ARB2A: variants seen among roughly 807,000 people sequenced by gnomAD.
ARB2A encodes cotranscriptional regulator ARB2A.
chr5:94,031,618 A>G, the ARB2A span, among the ~76,000 whole-genome samples: 1 of 152,230 alleles, frequency 6.6e-6, no homozygotes, highest in South Asian at 2.1e-4. Flanking sequence ...AGAGGAAACC[A>G]AGGGTGTAGC....
chr5:94,110,306 C>T, the ARB2A span, among the ~76,000 whole-genome samples: 1 of 152,202 alleles, frequency 6.6e-6, no homozygotes, highest in Non-Finnish European at 1.5e-5. Context: ...GCTGTCTTCC[C>T]ATCACCTGAA....
the ARB2A span, among the ~76,000 whole-genome samples, chr5:94,108,482 G>T: frequency 6.6e-6 from 1 of 151,876 alleles, no homozygotes; most frequent in Non-Finnish European, 1.5e-5. Context: ...TGCAATAAAA[G>T]TCATGGTGGC....
At chr5:93,859,498 T>TA in the ARB2A span, among the ~76,000 whole-genome samples, 1 of 152,030 alleles carries the variant, frequency 6.6e-6, no homozygotes, top group African/African-American at 2.4e-5. Context: ...ATAAACCATA[T>TA]AAAAAAAGAT....
the ARB2A span, among the ~76,000 whole-genome samples, chr5:93,924,842 A>C: frequency 8.9e-4 from 136 of 152,120 alleles, no homozygotes; most frequent in African/African-American, 3.3e-3. Flanking sequence ...TTCTGAGAAG[A>C]CCTCTGCTTT....
At chr5:93,936,159 TAAG>T in the ARB2A span, among the ~76,000 whole-genome samples, 4 of 152,318 alleles carry the variant, frequency 2.6e-5, no homozygotes, top group Admixed American at 6.5e-5. Flanking sequence ...GTTCTCACAA[TAAG>T]AAGGCAAGAT....
chr5:94,034,739 G>T, the ARB2A span, among the ~76,000 whole-genome samples: 1 of 152,116 alleles, frequency 6.6e-6, no homozygotes, highest in African/African-American at 2.4e-5. Context: ...GCACAATGTT[G>T]TACGTAGGCC....
At chr5:94,002,260 C>G in the ARB2A span, among the ~76,000 whole-genome samples, 1 of 152,002 alleles carries the variant, frequency 6.6e-6, no homozygotes, top group Non-Finnish European at 1.5e-5. Flanking sequence ...AAAAATGGCT[C>G]CTTTTCTCCT....
At chr5:93,932,430 A>G in the ARB2A span, among the ~76,000 whole-genome samples, 1 of 152,220 alleles carries the variant, frequency 6.6e-6, no homozygotes. Flanking sequence ...AATTAACTAA[A>G]GCACCAATAA....
the ARB2A span, among the ~76,000 whole-genome samples, chr5:94,035,998 A>G: frequency 6.6e-6 from 1 of 151,954 alleles, no homozygotes; most frequent in African/African-American, 2.4e-5. Flanking sequence ...CCCAGAACTT[A>G]AAGTATTAAA....
the ARB2A span, among the ~76,000 whole-genome samples, chr5:93,858,452 C>T: frequency 6.6e-6 from 1 of 152,186 alleles, no homozygotes; most frequent in East Asian, 1.9e-4. Flanking sequence ...CTAAGGATAG[C>T]CATCTCAGGC....
chr5:93,666,032 C>T, the ARB2A span, among the ~76,000 whole-genome samples: 5 of 152,026 alleles, frequency 3.3e-5, no homozygotes, highest in Non-Finnish European at 7.4e-5. Context: ...GTTCTGAATG[C>T]GTGATAAAAA....
At chr5:93,628,521 T>A in the ARB2A span, among the ~76,000 whole-genome samples, 3 of 152,348 alleles carry the variant, frequency 2.0e-5, no homozygotes, top group East Asian at 5.8e-4. Flanking sequence ...CTAGATGGCA[T>A]CTTCTTCCAA....
chr5:93,819,434 C>A, the ARB2A span, among the ~76,000 whole-genome samples: 2 of 152,048 alleles, frequency 1.3e-5, no homozygotes, highest in African/African-American at 4.8e-5. Context: ...TTTATTTTTA[C>A]TGAATTACCT....
chr5:94,107,811 T>C, the ARB2A span, among the ~76,000 whole-genome samples: 1 of 152,160 alleles, frequency 6.6e-6, no homozygotes, highest in African/African-American at 2.4e-5. Flanking sequence ...ATACATTATT[T>C]GATATACAGT....
At chr5:93,702,873 C>T in the ARB2A span, among the ~76,000 whole-genome samples, 1 of 152,120 alleles carries the variant, frequency 6.6e-6, no homozygotes. Context: ...TAATCCTTCA[C>T]CTGGATTTTT....
chr5:93,700,818 G>A, the ARB2A span, among the ~76,000 whole-genome samples: 9 of 151,894 alleles, frequency 5.9e-5, no homozygotes, highest in African/African-American at 2.2e-4. Context: ...TATGTAACTG[G>A]TACTCCTAAG....
chr5:93,935,486 G>A, the ARB2A span, among the ~76,000 whole-genome samples: 115 of 152,264 alleles, frequency 7.6e-4, no homozygotes, highest in African/African-American at 2.6e-3. Flanking sequence ...ACATGCTTAT[G>A]GGCATGCACA....
chr5:94,076,789 C>T, the ARB2A span, among the ~76,000 whole-genome samples: 3 of 152,158 alleles, frequency 2.0e-5, no homozygotes, highest in Non-Finnish European at 2.9e-5. Context: ...CTCCAGGAGA[C>T]TTCCCTTCAC....
the ARB2A span, among the ~76,000 whole-genome samples, chr5:93,807,691 T>C: frequency 3.9e-5 from 6 of 151,998 alleles, no homozygotes; most frequent in African/African-American, 1.4e-4. Context: ...GGAAGCAAGA[T>C]ACACTGTTTT....
Sources: allele counts gnomAD v4.1 joint callset (sites outside exome capture counted in the v4.1 genomes callset), GRCh38; gene constraint gnomAD v4.1.1; transcripts MANE v1.5; gene names NCBI Gene and HGNC (gene_info 2026-07-23, HGNC 2026-07-21).